The following PCNX1 variants were observed in gnomAD, a reference collection of about 807,000 sequenced individuals.
PCNX1 encodes pecanex-like protein 1.
Under a neutral mutation model 242.2 loss-of-function variants are expected in PCNX1, and 78 were observed. That is an observed-to-expected ratio of 0.32 (90% CI 0.27 to 0.39). PCNX1 has a LOEUF of 0.39. PCNX1 is among the 10% of genes least tolerant of loss of function. The pLI, the probability that PCNX1 is intolerant of heterozygous loss-of-function variation, is 1.00. For missense variants in PCNX1, 2,581 were observed against 2,856.5 expected (o/e 0.90, Z 2.20); for synonymous variants, 1,024 against 1,032.9 (o/e 0.99, Z 0.17).
intron 2 of PCNX1, among the ~76,000 whole-genome samples, chr14:70,958,734 T>G (rs535884586): frequency 6.6e-6 from 1 of 152,108 alleles, no homozygotes; most frequent in South Asian, 2.1e-4. Flanking sequence ...TAGCCTGGGT[T>G]GGGTCCTGTG....
intron 6 of PCNX1, among the ~76,000 whole-genome samples, chr14:70,988,340 A>C (rs544158703): frequency 1.3e-5 from 2 of 152,362 alleles, no homozygotes; most frequent in East Asian, 1.9e-4. Flanking sequence ...AAGGCTAGAT[A>C]ATAAGTCAAA....
intron 1 of PCNX1, among the ~76,000 whole-genome samples, chr14:70,934,668 A>C (rs1051225153): frequency 7.2e-5 from 11 of 152,238 alleles, no homozygotes; most frequent in African/African-American, 2.7e-4. Context: ...AGGAAGTTCC[A>C]AACTTTCCCA....
intron 26 of PCNX1, among the ~76,000 whole-genome samples, chr14:71,067,235 C>A (rs540443941): frequency 1.3e-5 from 2 of 152,186 alleles, no homozygotes; most frequent in East Asian, 3.9e-4. Context: ...GTGAATCTGT[C>A]CAGTCCTGGA....
Position 70,971,130 on chromosome 14 carries a change from T to G in PCNX1, c.604+2020T>G, listed in dbSNP as rs1311023629. 1.6e-3 allele frequency among the ~76,000 whole-genome samples: 14 copies of G among 8,932 alleles called. 3 individuals are homozygous for G. The highest frequency in any genetic ancestry group is 0.01 in the South Asian group (2 of 192). The allele number at this position is 8,932 out of a possible 152,430, so 5.9% of individuals were successfully genotyped here. A position where few individuals can be genotyped will look rare whatever the true frequency, so the allele number is the denominator to read the frequency against. The stretch of plus-strand genomic sequence containing the variant: ...ACTTTATATAGTTTTTTTTTTTTTT[T>G]TTTTTTTTTTTTTTTTTTTTTTTTT... On this transcript the variant is annotated intron_variant, in intron 5 of 35. Coordinates refer to ENST00000304743, the MANE Select transcript of PCNX1 (RefSeq NM_014982.3).
chr14:70,918,986 TC>T (rs1462569042), intron 1 of PCNX1, among the ~76,000 whole-genome samples: 1 of 151,860 alleles, frequency 6.6e-6, no homozygotes, highest in Non-Finnish European at 1.5e-5. Context: ...GCTCAGTGGA[TC>T]CTCCTGTCTC....
intron 25 of PCNX1, 89 bp downstream of exon 25, chr14:71,055,651 CCTCT>C: frequency 8.5e-6 from 6 of 707,250 alleles, no homozygotes; most frequent in Non-Finnish European, 1.2e-5. Context: ...TGTTGGGAAT[CCTCT>C]ATGAATCCCA....
chr14:71,041,155 C>G (rs2060692519), intron 19 of PCNX1, among the ~76,000 whole-genome samples: 1 of 152,120 alleles, frequency 6.6e-6, no homozygotes, highest in Non-Finnish European at 1.5e-5. Context: ...GATATCCCTT[C>G]AATAAAATTG....
chr14:71,050,692 A>G lies in PCNX1; in HGVS notation c.4379A>G (p.Tyr1460Cys), dbSNP rs1309389089. Residue 1460 changes from tyrosine (Y) to cysteine (C), a missense_variant, in exon 23 of 36, where the codon TAT becomes TGT. By Grantham distance (194) the Tyr-to-Cys change is radical (BLOSUM62 -2). Coordinates refer to ENST00000304743, the MANE Select transcript of PCNX1 (RefSeq NM_014982.3). ...TATAAATTGCAGTTTGTGTATACCT[A>G]TATTGCCCCATGGCAGATCACATGG... is the stretch of plus-strand genomic sequence containing the variant. ...LLYKLQFVYTYIAPWQITWGS... is the reference protein window; with the variant it reads ...LLYKLQFVYTCIAPWQITWGS... 6.2e-7 allele frequency: 1 copy of G among 1,612,322 alleles called. No homozygotes were observed. The highest frequency in any genetic ancestry group is 8.5e-7 in the Non-Finnish European group (1 of 1,179,216).
chr14:71,032,011 C>T (rs1480660233), intron 16 of PCNX1: 12 of 950,724 alleles, frequency 1.3e-5, no homozygotes, highest in East Asian at 7.2e-5. Context: ...ATTCAAGACA[C>T]GGACACACAC....
In PCNX1 at chr14:71,055,489, T is replaced by A; in HGVS notation, c.4578-15T>A. Reference sequence around the variant, plus strand: ...AATGTAAAGAAAGTTACTAAAAATGTTTTATTTTCTTTAGCACAAAACGAG... The same window carrying A: ...AATGTAAAGAAAGTTACTAAAAATGATTTATTTTCTTTAGCACAAAACGAG... On this transcript the variant is annotated splice_polypyrimidine_tract_variant and intron_variant, in intron 24 of 35. Transcript: ENST00000304743. 6.5e-7 allele frequency: 1 copy of A among 1,547,618 alleles called. No homozygotes were observed. The highest frequency in any genetic ancestry group is 2.3e-5 in the East Asian group (1 of 44,428).
At chr14:71,087,266 A>C (rs1395269453) in intron 28 of PCNX1, among the ~76,000 whole-genome samples, 1 of 152,152 alleles carries the variant, frequency 6.6e-6, no homozygotes, top group African/African-American at 2.4e-5. Context: ...CTACTTGATG[A>C]AACTAGAGTA....
At chr14:71,064,576 A>G (rs1354520367) in intron 26 of PCNX1, among the ~76,000 whole-genome samples, 2 of 152,218 alleles carry the variant, frequency 1.3e-5, no homozygotes, top group East Asian at 3.8e-4. Flanking sequence ...AGAAAAATGA[A>G]GTAGTAACAC....
intron 19 of PCNX1, 55 bp from the exon 20 acceptor site, chr14:71,045,078 C>G (rs1195110572): frequency 1.0e-5 from 13 of 1,276,822 alleles, no homozygotes; most frequent in Non-Finnish European, 1.4e-5. Context: ...ATTAGAATTT[C>G]TACAATGAGT....
At position 71,045,267 on chromosome 14, in the gene PCNX1, T is replaced by A; in HGVS notation, c.4002T>A (p.Asn1334Lys). ...CTCTGCTAAAGACACTAGAGTATAA[T>A]CAGTATGAAGTTCGAAGTAAGTATT... ...SHPLLKTLEY[N>K]QYEVRNAATM... Residue 1334 changes from asparagine (N) to lysine (K), a missense_variant, in exon 20 of 36, where the codon AAT becomes AAA. Transcript: ENST00000304743. 1 of 1,606,416 alleles carries A rather than the reference T, an allele frequency of 6.2e-7. No individual in the cohort carries two copies. The highest frequency in any genetic ancestry group is 8.5e-7 in the Non-Finnish European group (1 of 1,177,526).
At chr14:71,028,363 C>T (rs544787255) in intron 15 of PCNX1, among the ~76,000 whole-genome samples, 1 of 152,058 alleles carries the variant, frequency 6.6e-6, no homozygotes, top group African/African-American at 2.4e-5. Flanking sequence ...AGTTCCTGTT[C>T]AGGCCTCTGA....
At position 71,115,212 on chromosome 14, in the gene PCNX1, G is replaced by A. The variant is rs886999915; in HGVS notation, c.*5277G>A. 6 of 152,530 alleles carry A rather than the reference G, an allele frequency of 3.9e-5. No individual in the cohort carries two copies. The highest frequency in any genetic ancestry group is 2.1e-4 in the South Asian group (1 of 4,818). The allele number at this position is 152,530 out of a possible 1,614,324, so 9.4% of individuals were successfully genotyped here. A position where few individuals can be genotyped will look rare whatever the true frequency, so the allele number is the denominator to read the frequency against. On this transcript the variant is annotated 3_prime_UTR_variant, in exon 36 of 36. Transcript: ENST00000304743. ...CAGAGATAAGGACATATGTACTTAC[G>A]TGTGTCTGTGAGTGTGTGTGTGTCT... is the stretch of plus-strand genomic sequence containing the variant.
At chr14:70,922,620 T>A (rs2056421807) in intron 1 of PCNX1, among the ~76,000 whole-genome samples, 1 of 152,138 alleles carries the variant, frequency 6.6e-6, no homozygotes, top group Non-Finnish European at 1.5e-5. Flanking sequence ...TGTATGTACT[T>A]GAAATAGCCA....
chr14:70,925,232 G>C (rs780794241), intron 1 of PCNX1, among the ~76,000 whole-genome samples: 1 of 152,092 alleles, frequency 6.6e-6, no homozygotes, highest in African/African-American at 2.4e-5. Flanking sequence ...CAAGTGATCT[G>C]CCTGCTTCAG....
At chr14:71,099,680 G>A (rs1345049324) in intron 30 of PCNX1, among the ~76,000 whole-genome samples, 2 of 152,164 alleles carry the variant, frequency 1.3e-5, no homozygotes, top group African/African-American at 4.8e-5. Flanking sequence ...GTGGGGTATT[G>A]AAGTCCCGTA....
Sources: allele counts gnomAD v4.1 joint callset (sites outside exome capture counted in the v4.1 genomes callset), GRCh38; gene constraint gnomAD v4.1.1; transcripts MANE v1.5; gene names NCBI Gene and HGNC (gene_info 2026-07-23, HGNC 2026-07-21).